Variants in EEA1 observed in about 807,000 individuals in gnomAD.
EEA1 encodes early endosome antigen 1, 162kD.
In EEA1, 111 loss-of-function variants were observed where a neutral mutation model predicts 209.2. The ratio of observed to expected loss-of-function variants is 0.53; its 90% CI spans 0.45 to 0.62. The LOEUF (loss-of-function observed/expected upper bound fraction) is 0.62. Among genes scored for constraint, EEA1 ranks in the 20% least tolerant of loss-of-function variants. The pLI is 0.00. For synonymous variants in EEA1, 536 were observed against 540.6 expected (o/e 0.99, Z 0.12); for missense variants, 1,343 against 1,530.8 (o/e 0.88, Z 2.05).
chr12:92,920,443 G>A (rs61935344), intron 1 of EEA1, among the ~76,000 whole-genome samples: 33,574 of 140,500 alleles, frequency 0.24, 4,442 homozygotes, highest in Non-Finnish European at 0.31. Context: ...AAATAACGCC[G>A]CATACCTACA....
At chr12:92,822,884 G>A in intron 13 of EEA1, among the ~76,000 whole-genome samples, 1 of 152,034 alleles carries the variant, frequency 6.6e-6, no homozygotes, top group African/African-American at 2.4e-5. Flanking sequence ...TCCCCTATGA[G>A]ATGGCCATTT....
chr12:92,784,315 GT>G (rs974942065), intron 22 of EEA1, among the ~76,000 whole-genome samples: 4 of 152,200 alleles, frequency 2.6e-5, no homozygotes, highest in Non-Finnish European at 4.4e-5. Context: ...ATGCTGTGGA[GT>G]GGGGTTTACA....
At chr12:92,877,675 C>A (rs900658910) in intron 2 of EEA1, among the ~76,000 whole-genome samples, 2 of 151,880 alleles carry the variant, frequency 1.3e-5, no homozygotes, top group Non-Finnish European at 2.9e-5. Flanking sequence ...ACTACAGGTG[C>A]GTGCCACCAC....
rs1325806379 is a variant in EEA1, at chr12:92,929,236, G to GGCGAGAGGGAGCAC, written c.-184_-171dup. 3 of 569,900 alleles carry GGCGAGAGGGAGCAC rather than the reference G, an allele frequency of 5.3e-6. No individual in the cohort carries two copies. The highest frequency in any genetic ancestry group is 2.0e-5 in the African/African-American group (1 of 50,068). The allele number at this position is 569,900 out of a possible 1,614,324, so 35.3% of individuals were successfully genotyped here. A position where few individuals can be genotyped will look rare whatever the true frequency, so the allele number is the denominator to read the frequency against. Reference sequence around the variant, plus strand: ...GGGCGGCCCCGACTTCCCCACAGGCGGCGAGAGGGAGCACGCGAGAGAGAG... The same window carrying GGCGAGAGGGAGCAC: ...GGGCGGCCCCGACTTCCCCACAGGCGGCGAGAGGGAGCACGCGAGAGGGAGCACGCGAGAGAGAG... On this transcript the variant is annotated 5_prime_UTR_variant, in exon 1 of 29. Transcript: ENST00000322349.
chr12:92,882,911 A>G (rs1879214927), intron 2 of EEA1, among the ~76,000 whole-genome samples: 1 of 152,150 alleles, frequency 6.6e-6, no homozygotes, highest in South Asian at 2.1e-4. Context: ...TTGGTAGAAC[A>G]GTTTGTTTTG....
At chr12:92,780,629 T>C (rs921437317) in intron 23 of EEA1, among the ~76,000 whole-genome samples, 10 of 152,184 alleles carry the variant, frequency 6.6e-5, no homozygotes, top group Admixed American at 6.5e-5. Context: ...TTATAGTTAA[T>C]ATTGTGAGAT....
chr12:92,840,653 C>T (rs1295986741), intron 10 of EEA1, among the ~76,000 whole-genome samples: 1 of 152,200 alleles, frequency 6.6e-6, no homozygotes, highest in Non-Finnish European at 1.5e-5. Flanking sequence ...AAAATACTAA[C>T]ATTTAAAAAT....
chr12:92,866,102 G>A (rs1878381537), intron 2 of EEA1, among the ~76,000 whole-genome samples: 1 of 145,676 alleles, frequency 6.9e-6, no homozygotes, highest in Non-Finnish European at 1.5e-5. Context: ...TGAAGTAGGA[G>A]AATTGCTTGA....
At chr12:92,794,173 C>T (rs1446142829) in intron 21 of EEA1, among the ~76,000 whole-genome samples, 1 of 152,200 alleles carries the variant, frequency 6.6e-6, no homozygotes, top group African/African-American at 2.4e-5. Flanking sequence ...ATCAAAACCA[C>T]TATGAGATAC....
chr12:92,848,683 G>T (rs889594800), intron 9 of EEA1, among the ~76,000 whole-genome samples: 2 of 139,252 alleles, frequency 1.4e-5, no homozygotes, highest in African/African-American at 5.3e-5. Flanking sequence ...ATGTTACTTA[G>T]AAATGTCTTC....
At chr12:92,887,030 A>G (rs1279695799) in intron 2 of EEA1, among the ~76,000 whole-genome samples, 1 of 19,832 alleles carries the variant, frequency 5.0e-5, no homozygotes, top group Non-Finnish European at 1.3e-4. Flanking sequence ...ACAAACAAAA[A>G]CAAAGAAAAA....
chr12:92,778,224 T>A (rs535708993), intron 25 of EEA1, 45 bp from the exon 26 acceptor site: 22 of 1,476,002 alleles, frequency 1.5e-5, no homozygotes, highest in Non-Finnish European at 2.0e-5. Flanking sequence ...ACAAAAGTAG[T>A]GCAAAATAAA....
At chr12:92,786,966 TTC>T (rs1460319465) in intron 22 of EEA1, among the ~76,000 whole-genome samples, 1 of 152,168 alleles carries the variant, frequency 6.6e-6, no homozygotes, top group Non-Finnish European at 1.5e-5. Context: ...ATGGCACCTT[TTC>T]TCAAATGTGC....
At chr12:92,852,049 T>C (rs369358994) in intron 8 of EEA1, 126 bp downstream of exon 8, 27 of 675,972 alleles carry the variant, frequency 4.0e-5, no homozygotes, top group East Asian at 1.9e-4. Context: ...TGGTAGAATA[T>C]AGGGAATTGC....
intron 9 of EEA1, among the ~76,000 whole-genome samples, chr12:92,848,041 TAAG>T (rs1456408436): frequency 1.3e-5 from 2 of 151,760 alleles, no homozygotes; most frequent in African/African-American, 2.4e-5. Flanking sequence ...AAATAGGTAA[TAAG>T]TATTATTATT....
In EEA1 at chr12:92,778,735, T is replaced by C. The variant is rs79759949; in HGVS notation, c.3654+380A>G. Reference sequence around the variant, plus strand: ...AAGGAAAAGCAGACTTTGTTCATCATAATTTCAAACTCAAGTTTCCGCTCC... The same window carrying C: ...AAGGAAAAGCAGACTTTGTTCATCACAATTTCAAACTCAAGTTTCCGCTCC... On this transcript the variant is annotated intron_variant, in intron 25 of 28. Coordinates refer to ENST00000322349, the MANE Select transcript of EEA1 (RefSeq NM_003566.4). Among the ~76,000 whole-genome samples, 392 of 152,202 alleles carry C rather than the reference T, an allele frequency of 2.6e-3. 3 individuals are homozygous for C. Among genetic ancestry groups the C allele is most frequent in the African/African-American group, 8.7e-3 (363 of 41,568 alleles).
At chr12:92,896,105 C>G (rs1025105174) in intron 1 of EEA1, among the ~76,000 whole-genome samples, 1 of 151,994 alleles carries the variant, frequency 6.6e-6, no homozygotes, top group Admixed American at 6.6e-5. Flanking sequence ...TCCCGAGTAG[C>G]TGGGACTACA....
In EEA1 at chr12:92,907,847, T is replaced by G. The variant is rs1157452709; in HGVS notation, c.25-16126A>C. Among the ~76,000 whole-genome samples the G allele has an allele frequency of 2.6e-5, 4 of 152,184 alleles. No homozygotes were observed. The South Asian group carries it at 8.3e-4, about 32-fold the overall frequency. ...AACCAGGCATGGTGATGGGCACCTG[T>G]TATCCCAGCTACTTGGGAGGCTGAG... On this transcript the variant is annotated intron_variant, in intron 1 of 28. Transcript: ENST00000322349.
At chr12:92,801,729 T>C (rs1197718615) in intron 19 of EEA1, 28 bp from the exon 20 acceptor site, 11 of 1,427,100 alleles carry the variant, frequency 7.7e-6, no homozygotes, top group Middle Eastern at 2.2e-4. Context: ...CTATATTACA[T>C]AAAAAATATT....
Sources: allele counts gnomAD v4.1 joint callset (sites outside exome capture counted in the v4.1 genomes callset), GRCh38; gene constraint gnomAD v4.1.1; transcripts MANE v1.5; gene names NCBI Gene and HGNC (gene_info 2026-07-23, HGNC 2026-07-21).